PRIM1: variants seen among roughly 807,000 people sequenced by gnomAD.
PRIM1 encodes DNA primase small subunit.
PRIM1 carries 38 observed loss-of-function variants against 60.2 expected under a neutral mutation model. The ratio of observed to expected loss-of-function variants is 0.63; its 90% CI spans 0.49 to 0.83. The LOEUF is 0.83. PRIM1 is among the 40% of genes least tolerant of loss of function. The pLI, the probability that PRIM1 is intolerant of heterozygous loss-of-function variation, is 0.00. For synonymous variants in PRIM1, 158 were observed against 160.2 expected (o/e 0.99, Z 0.10); for missense variants, 388 against 506.2 (o/e 0.77, Z 2.24).
chr12:56,739,241 A>T, intron 10 of PRIM1, 53 bp downstream of exon 10: 1 of 1,337,516 alleles, frequency 7.5e-7, no homozygotes, highest in Non-Finnish European at 1.0e-6. Flanking sequence ...CAATTTATTT[A>T]AAATTCATAA....
chr12:56,746,708 A>C (rs1953910590), intron 4 of PRIM1, 73 bp downstream of exon 4: 1 of 1,269,960 alleles, frequency 7.9e-7, no homozygotes. Flanking sequence ...AAATACAGAG[A>C]CTAATAGTTA....
At chr12:56,740,875 A>T (rs1217564837) in intron 9 of PRIM1, among the ~76,000 whole-genome samples, 4 of 151,904 alleles carry the variant, frequency 2.6e-5, no homozygotes, top group Admixed American at 2.6e-4. Flanking sequence ...GTGCAGTGGC[A>T]CCATCACAGC....
chr12:56,737,187 TC>T (rs1447466962), intron 11 of PRIM1, among the ~76,000 whole-genome samples: 1 of 152,080 alleles, frequency 6.6e-6, no homozygotes, highest in East Asian at 1.9e-4. Context: ...GGTTGCGCAC[TC>T]CTTATCAGAA....
At chr12:56,750,233 C>T (rs1485958918) in intron 2 of PRIM1, among the ~76,000 whole-genome samples, 1 of 152,166 alleles carries the variant, frequency 6.6e-6, no homozygotes, top group Non-Finnish European at 1.5e-5. Context: ...TCTGTATTGA[C>T]AATGGACTCT....
intron 11 of PRIM1, among the ~76,000 whole-genome samples, chr12:56,736,482 T>C (rs1432681813): frequency 1.4e-5 from 2 of 147,782 alleles, no homozygotes; most frequent in African/African-American, 2.5e-5. Flanking sequence ...TAATAGTTCT[T>C]TAAAAAGAGT....
intron 11 of PRIM1, among the ~76,000 whole-genome samples, chr12:56,737,855 G>C (rs1204125000): frequency 6.6e-6 from 1 of 152,154 alleles, no homozygotes; most frequent in Non-Finnish European, 1.5e-5. Context: ...TTCCCGAGTA[G>C]CTGGGATTAC....
chr12:56,735,963 T>G (rs1283200190), intron 11 of PRIM1, among the ~76,000 whole-genome samples: 2 of 151,958 alleles, frequency 1.3e-5, no homozygotes, highest in East Asian at 3.9e-4. Context: ...CATTAAGTAT[T>G]CTTTGATTTA....
rs1188407186 is a variant in PRIM1 at position 56,752,282 on chromosome 12, G to A, written c.17C>T (p.Pro6Leu). 5 of 1,586,100 alleles carry A rather than the reference G, an allele frequency of 3.2e-6. No homozygotes were observed. Among genetic ancestry groups the A allele is most frequent in the Non-Finnish European group, 4.3e-6 (5 of 1,166,062 alleles). METFDPTELPELLKLY... is the reference protein window; with the variant it reads METFDLTELPELLKLY... Reference sequence around the variant, plus strand: ...TTTAAGCAGCTCGGGCAGCTCGGTGGGGTCAAACGTCTCCATTGAGCGCGG... The same window carrying A: ...TTTAAGCAGCTCGGGCAGCTCGGTGAGGTCAAACGTCTCCATTGAGCGCGG... The change falls in exon 1 of 13, where the codon CCC becomes CTC. Residue 6 changes from proline (P) to leucine (L), a missense_variant. By Grantham distance (98) the Pro-to-Leu change is moderately conservative. Transcript: ENST00000338193.
Position 56,734,778 on chromosome 12 carries a change from T to TATATATATATA in PRIM1, c.1145-534_1145-533insTATATATATAT, listed in dbSNP as rs1555228415. On this transcript the variant is annotated intron_variant, in intron 11 of 12. Transcript: ENST00000338193. Reference sequence around the variant, plus strand: ...TCTCTTTCATACAAGTCTTTTATATTTATATATATATATATAATATATATA... The same window carrying TATATATATATA: ...TCTCTTTCATACAAGTCTTTTATATTATATATATATATATATATATATATATAATATATATA... Among the ~76,000 whole-genome samples, 763 of 140,188 alleles carry TATATATATATA rather than the reference T, an allele frequency of 5.4e-3. 7 individuals are homozygous for TATATATATATA. Among genetic ancestry groups the TATATATATATA allele is most frequent in the African/African-American group, 0.02 (729 of 37,200 alleles). The allele number at this position is 140,188 out of a possible 152,430, so 92.0% of individuals were successfully genotyped here. A position where few individuals can be genotyped will look rare whatever the true frequency, so the allele number is the denominator to read the frequency against.
intron 11 of PRIM1, among the ~76,000 whole-genome samples, chr12:56,737,903 T>G (rs988282857): frequency 6.6e-6 from 1 of 151,960 alleles, no homozygotes; most frequent in Non-Finnish European, 1.5e-5. Context: ...TTTTGTATAT[T>G]TAGCAGAGTT....
At chr12:56,739,009 T>C (rs896749602) in intron 10 of PRIM1, among the ~76,000 whole-genome samples, 1 of 152,222 alleles carries the variant, frequency 6.6e-6, no homozygotes, top group Admixed American at 6.5e-5. Context: ...ATGCATATTA[T>C]CATATGAAAG....
intron 11 of PRIM1, among the ~76,000 whole-genome samples, chr12:56,737,184 C>T (rs1427280477): frequency 6.6e-6 from 1 of 152,080 alleles, no homozygotes; most frequent in African/African-American, 2.4e-5. Context: ...CTAGGTTGCG[C>T]ACTCCTTATC....
At chr12:56,749,047 C>T (rs537628100) in intron 2 of PRIM1, among the ~76,000 whole-genome samples, 38 of 152,128 alleles carry the variant, frequency 2.5e-4, no homozygotes, top group Non-Finnish European at 4.3e-4. Flanking sequence ...CTCACTCTGT[C>T]GCCCAGGCTG....
In PRIM1 at chr12:56,744,126, G is replaced by A. The variant is rs988940625; in HGVS notation, c.580-3C>T. The A allele has an allele frequency of 1.9e-6, 3 of 1,550,178 alleles. No individual in the cohort carries two copies. In the South Asian group the frequency reaches 3.6e-5, roughly 18 times the overall value. ...TTCTTTTTAACGTCTTGACCACCCT[G>A]AAAAATAAATCATTAAAAAAGAACT... On this transcript the variant is annotated splice_polypyrimidine_tract_variant and splice_region_variant and intron_variant, in intron 5 of 12. Transcript: ENST00000338193.
At position 56,746,837 on chromosome 12, in the gene PRIM1, G is replaced by C. The variant is rs768267356; in HGVS notation, c.386C>G (p.Pro129Arg). The C allele has an allele frequency of 6.2e-7, 1 of 1,613,834 alleles. No individual in the cohort carries two copies. Among genetic ancestry groups the C allele is most frequent in the East Asian group, 2.2e-5 (1 of 44,882 alleles). Residue 129 changes from proline to arginine, a missense_variant, in exon 4 of 13, where the codon CCT becomes CGT. Pro to Arg is a moderately radical substitution (Grantham distance 103). Transcript: ENST00000338193. ...RRCCSSADIC[P>R]KCWTLMTMAI... ...CATTGTCATGAGGGTCCAGCACTTAGGACATATGTCTGCAGAACTAAAGCA... is the reference window on the plus strand; with the variant it reads ...CATTGTCATGAGGGTCCAGCACTTACGACATATGTCTGCAGAACTAAAGCA...
chr12:56,737,763 C>T (rs570985111), intron 11 of PRIM1, among the ~76,000 whole-genome samples: 16 of 149,652 alleles, frequency 1.1e-4, no homozygotes, highest in East Asian at 6.0e-4. Flanking sequence ...CTCCCTCTGC[C>T]GCCCAGGCTG....
intron 4 of PRIM1, chr12:56,746,406 G>T (rs1953907268): frequency 1.5e-6 from 1 of 664,174 alleles, no homozygotes; most frequent in African/African-American, 1.8e-5. Flanking sequence ...GCCGAGGTGG[G>T]CAGATCACGA....
intron 5 of PRIM1, among the ~76,000 whole-genome samples, chr12:56,745,035 A>T (rs1432999164): frequency 6.6e-6 from 1 of 151,138 alleles, no homozygotes; most frequent in Non-Finnish European, 1.5e-5. Context: ...TGAACCCGGG[A>T]CGCGGAGGTT....
intron 1 of PRIM1, 175 bp from the exon 2 acceptor site, chr12:56,751,370 C>T (rs1953956352): frequency 2.3e-6 from 1 of 434,872 alleles, no homozygotes; most frequent in African/African-American, 2.0e-5. Flanking sequence ...ACCTCCGCCT[C>T]CCGGGTTCAA....
Sources: gnomAD v4.1 joint callset for allele counts (sites outside exome capture counted in the v4.1 genomes callset) on GRCh38, gnomAD v4.1.1 for gene constraint, MANE v1.5 for transcripts, NCBI Gene and HGNC (gene_info 2026-07-23, HGNC 2026-07-21) for gene names.